PRKG1: variants seen among roughly 807,000 people sequenced by gnomAD.
The protein encoded by PRKG1 is protein kinase cGMP-dependent 1.
PRKG1 carries 35 observed loss-of-function variants against 88.1 expected under a neutral mutation model. That is an observed-to-expected ratio of 0.40 (90% CI 0.30 to 0.53). The LOEUF (loss-of-function observed/expected upper bound fraction) is 0.53, where lower values mean the gene tolerates loss of function less well. Among genes scored for constraint, PRKG1 ranks in the 20% least tolerant of loss-of-function variants. PRKG1 has a pLI of 0.59. For missense variants in PRKG1, 540 were observed against 839.8 expected (o/e 0.64, Z 4.41); for synonymous variants, 303 against 292.5 (o/e 1.04, Z -0.37).
At chr10:52,249,507 A>C (rs1217326068) in intron 9 of PRKG1, among the ~76,000 whole-genome samples, 1 of 152,160 alleles carries the variant, frequency 6.6e-6, no homozygotes, top group East Asian at 1.9e-4. Flanking sequence ...TGTAATGTGC[A>C]ACAAAAGGCT....
intron 3 of PRKG1, among the ~76,000 whole-genome samples, chr10:51,654,083 TA>T (rs201760451): frequency 5.3e-5 from 8 of 151,620 alleles, no homozygotes; most frequent in Admixed American, 2.0e-4. Flanking sequence ...CGGGTCATAT[TA>T]AAAAAAAATC....
chr10:51,261,491 A>G (rs1589289514), intron 2 of PRKG1, among the ~76,000 whole-genome samples: 1 of 152,246 alleles, frequency 6.6e-6, no homozygotes, highest in East Asian at 1.9e-4. Context: ...TAAACAATAT[A>G]ACTGTTGAAA....
At chr10:51,655,253 C>A (rs183450227) in intron 3 of PRKG1, among the ~76,000 whole-genome samples, 2 of 152,092 alleles carry the variant, frequency 1.3e-5, no homozygotes, top group Admixed American at 1.3e-4. Context: ...ATTTGGGGGT[C>A]ACAGGAAGAG....
intron 3 of PRKG1, among the ~76,000 whole-genome samples, chr10:51,653,740 G>A (rs1203022198): frequency 2.6e-5 from 4 of 151,768 alleles, no homozygotes. Context: ...CTAATTTTTT[G>A]TGTTTTTAAC....
At chr10:52,144,772 G>C (rs779226392) in intron 8 of PRKG1, among the ~76,000 whole-genome samples, 1 of 152,050 alleles carries the variant, frequency 6.6e-6, no homozygotes, top group Admixed American at 6.5e-5. Context: ...AGCTGAGATC[G>C]CATCACTGTA....
chr10:52,218,401 A>G (rs1341664006), intron 9 of PRKG1, among the ~76,000 whole-genome samples: 2 of 151,996 alleles, frequency 1.3e-5, no homozygotes, highest in African/African-American at 4.8e-5. Context: ...ATAAAAAGCA[A>G]TTAGATGACA....
At chr10:52,259,278 T>G (rs1841379212) in intron 10 of PRKG1, among the ~76,000 whole-genome samples, 1 of 152,024 alleles carries the variant, frequency 6.6e-6, no homozygotes, top group African/African-American at 2.4e-5. Context: ...ACATCATAAT[T>G]TCTCTTCTGA....
intron 9 of PRKG1, among the ~76,000 whole-genome samples, chr10:52,194,636 A>T (rs1457298503): frequency 1.3e-5 from 2 of 152,182 alleles, no homozygotes; most frequent in African/African-American, 4.8e-5. Flanking sequence ...GAAGCTAAAT[A>T]CCAGAACAGT....
intron 2 of PRKG1, among the ~76,000 whole-genome samples, chr10:51,307,408 C>T (rs1227431083): frequency 6.6e-6 from 1 of 152,106 alleles, no homozygotes; most frequent in Non-Finnish European, 1.5e-5. Flanking sequence ...GGATTTGACT[C>T]CAAGATGATC....
At chr10:51,341,973 G>A (rs1054147192) in intron 2 of PRKG1, among the ~76,000 whole-genome samples, 2 of 152,132 alleles carry the variant, frequency 1.3e-5, no homozygotes, top group African/African-American at 4.8e-5. Flanking sequence ...TCCCCCATGA[G>A]GTTTTCTGGC....
intron 2 of PRKG1, among the ~76,000 whole-genome samples, chr10:51,283,638 G>A (rs915145060): frequency 6.6e-6 from 1 of 152,158 alleles, no homozygotes; most frequent in African/African-American, 2.4e-5. Flanking sequence ...AGTTGAAGAG[G>A]TAGTGGAGAA....
intron 4 of PRKG1, among the ~76,000 whole-genome samples, chr10:51,844,739 C>T (rs1840359038): frequency 6.6e-6 from 1 of 152,034 alleles, no homozygotes; most frequent in African/African-American, 2.4e-5. Flanking sequence ...CTGGGCAGGT[C>T]AATAAATAGC....
chr10:52,165,122 C>T (rs1213607224), intron 9 of PRKG1, among the ~76,000 whole-genome samples: 1 of 151,970 alleles, frequency 6.6e-6, no homozygotes, highest in Non-Finnish European at 1.5e-5. Flanking sequence ...CTAAAACCAG[C>T]CAAATAAGTA....
At chr10:52,034,231 G>GA (rs2133215322) in intron 5 of PRKG1, among the ~76,000 whole-genome samples, 1 of 151,576 alleles carries the variant, frequency 6.6e-6, no homozygotes, top group Admixed American at 6.6e-5. Flanking sequence ...ACATTAATAA[G>GA]AAAAATAAAA....
At chr10:51,396,747 C>T (rs1837587331) in intron 2 of PRKG1, among the ~76,000 whole-genome samples, 1 of 152,148 alleles carries the variant, frequency 6.6e-6, no homozygotes, top group Admixed American at 6.5e-5. Flanking sequence ...ATTCTTTTTG[C>T]AAATTATAGT....
intron 5 of PRKG1, among the ~76,000 whole-genome samples, chr10:51,974,988 A>G (rs949157388): frequency 6.6e-6 from 1 of 152,140 alleles, no homozygotes; most frequent in Admixed American, 6.6e-5. Context: ...CTGGAATAGT[A>G]GGAAATAAGA....
intron 3 of PRKG1, among the ~76,000 whole-genome samples, chr10:51,677,873 G>A (rs772751179): frequency 1.3e-5 from 2 of 152,204 alleles, no homozygotes; most frequent in African/African-American, 4.8e-5. Flanking sequence ...AGGAGCATAG[G>A]TGAGATAGGG....
At chr10:51,070,655 T>G (rs747083518), upstream of PRKG1, among the ~76,000 whole-genome samples, 6 of 152,190 alleles carry the variant, frequency 3.9e-5, no homozygotes, top group Non-Finnish European at 8.8e-5. Context: ...TATTTTTGAA[T>G]AGCCAGTATT....
In PRKG1 at chr10:51,016,691, T is replaced by TTTTTTTTTTTTTA. The variant is rs1220498758; in HGVS notation, c.266+25048_266+25049insTTTTTTTTTTTAT. On this transcript the variant is annotated intron_variant, in intron 1 of 17. Coordinates refer to the PRKG1 transcript ENST00000401604. The stretch of plus-strand genomic sequence containing the variant: ...ATCCTTTCTTTTTTTTTTTTTTTTT[T>TTTTTTTTTTTTTA]TGGAATCTTGCTCTGTTGCCAGGCT... Among the ~76,000 whole-genome samples the TTTTTTTTTTTTTA allele has an allele frequency of 4.5e-5, 6 of 132,334 alleles. 1 individual carries two copies. Among genetic ancestry groups the TTTTTTTTTTTTTA allele is most frequent in the Non-Finnish European group, 8.0e-5 (5 of 62,784 alleles). 86.8% of individuals were successfully genotyped at this position (132,334 alleles called of 152,430 possible).
Sources: gnomAD v4.1 joint callset for allele counts (sites outside exome capture counted in the v4.1 genomes callset) on GRCh38, gnomAD v4.1.1 for gene constraint, MANE v1.5 for transcripts, NCBI Gene and HGNC (gene_info 2026-07-23, HGNC 2026-07-21) for gene names.